The following SORCS1 variants were observed in gnomAD, a reference collection of about 807,000 sequenced individuals.
SORCS1 encodes the protein VPS10 domain-containing receptor SorCS1.
A neutral mutation model predicts 146.1 loss-of-function variants in SORCS1; 60 were observed. That is an observed-to-expected ratio of 0.41 (90% CI 0.33 to 0.51). The LOEUF is 0.51. Among genes scored for constraint, SORCS1 ranks in the 20% least tolerant of loss-of-function variants. SORCS1 has a pLI of 0.21. For synonymous variants in SORCS1, 637 were observed against 584.0 expected, an observed-to-expected ratio of 1.09 and a Z score of -1.31; for missense variants, 1,352 against 1,487.6, an observed-to-expected ratio of 0.91 and a Z score of 1.50.
In SORCS1 at chr10:106,614,486, T is replaced by C. The variant is rs1847221711; in HGVS notation, c.2921-2463A>G. ...GCTTGACTATTTTATGAGTCACTGG[T>C]CACCTATGTGAATATTACCTGATGG... On this transcript the variant is annotated intron_variant, in intron 21 of 25. Coordinates refer to ENST00000263054, the MANE Select transcript of SORCS1 (RefSeq NM_052918.5). Among the ~76,000 whole-genome samples the C allele has an allele frequency of 2.0e-5, 3 of 152,216 alleles. No homozygotes were observed. The South Asian group carries it at 6.2e-4, about 32-fold the overall frequency.
rs561769707 is a variant in SORCS1, at chr10:106,680,283, T to C, written c.1561-549A>G. On this transcript the variant is annotated intron_variant, in intron 10 of 25. Coordinates refer to ENST00000263054, the MANE Select transcript of SORCS1 (RefSeq NM_052918.5). ...GAAGCAGAAAAGCTGAGCAGCACAG[T>C]ATGTCATCAGAAAAGACTGAAGAGG... Among the ~76,000 whole-genome samples, 16 of 152,214 alleles carry C rather than the reference T, an allele frequency of 1.1e-4. No homozygotes were observed. In the South Asian group the frequency reaches 3.1e-3, roughly 30 times the overall value.
At chr10:106,850,582 G>C (rs1028114636) in intron 2 of SORCS1, among the ~76,000 whole-genome samples, 1 of 152,164 alleles carries the variant, frequency 6.6e-6, no homozygotes, top group Non-Finnish European at 1.5e-5. Context: ...GACCGGAGCT[G>C]TTCCTATTCG....
At chr10:106,690,034 C>G (rs751634602) in intron 9 of SORCS1, among the ~76,000 whole-genome samples, 3 of 152,190 alleles carry the variant, frequency 2.0e-5, no homozygotes, top group Non-Finnish European at 4.4e-5. Flanking sequence ...TCTGTGCAAT[C>G]AGTAGCAGCC....
chr10:106,968,357 CAA>C (rs1163813701), intron 1 of SORCS1, among the ~76,000 whole-genome samples: 3 of 152,194 alleles, frequency 2.0e-5, no homozygotes, highest in Non-Finnish European at 2.9e-5. Flanking sequence ...TCCATGCTCT[CAA>C]ATCAGTATCT....
At chr10:107,130,626 C>A (rs1322430454) in intron 1 of SORCS1, among the ~76,000 whole-genome samples, 1 of 152,100 alleles carries the variant, frequency 6.6e-6, no homozygotes, top group South Asian at 2.1e-4. Context: ...TAAAGTCTTT[C>A]GACTTAGAAT....
chr10:106,582,726 T>C (rs1844995636), intron 24 of SORCS1, among the ~76,000 whole-genome samples: 2 of 152,128 alleles, frequency 1.3e-5, no homozygotes, highest in South Asian at 2.1e-4. Context: ...AAGTAAAACA[T>C]GGATACCAGC....
At chr10:106,717,663 C>T (rs969445875) in intron 6 of SORCS1, among the ~76,000 whole-genome samples, 12 of 152,146 alleles carry the variant, frequency 7.9e-5, no homozygotes, top group Non-Finnish European at 5.9e-5. Flanking sequence ...AAACTGGGAA[C>T]ATGAGAGAGA....
chr10:106,856,770 A>G (rs1033415137), intron 2 of SORCS1, among the ~76,000 whole-genome samples: 32 of 152,116 alleles, frequency 2.1e-4, no homozygotes, highest in African/African-American at 3.4e-4. Context: ...CCTGCAAACC[A>G]TCAACTACTG....
intron 1 of SORCS1, among the ~76,000 whole-genome samples, chr10:107,132,653 C>T (rs1231122654): frequency 6.6e-6 from 1 of 152,066 alleles, no homozygotes; most frequent in Non-Finnish European, 1.5e-5. Context: ...AGAATTTGGC[C>T]TACTTTATGT....
chr10:106,582,316 A>G (rs975056195), intron 24 of SORCS1, among the ~76,000 whole-genome samples: 1 of 152,222 alleles, frequency 6.6e-6, no homozygotes, highest in African/African-American at 2.4e-5. Context: ...GAACTTCTGT[A>G]TCCCAGTTCT....
chr10:107,017,718 C>A (rs561971750), intron 1 of SORCS1, among the ~76,000 whole-genome samples: 1 of 152,196 alleles, frequency 6.6e-6, no homozygotes, highest in African/African-American at 2.4e-5. Flanking sequence ...TGCATTAGCA[C>A]GATCTCAGCT....
At chr10:106,845,018 T>G (rs1473648852) in intron 2 of SORCS1, among the ~76,000 whole-genome samples, 1 of 132,414 alleles carries the variant, frequency 7.6e-6, no homozygotes, top group Non-Finnish European at 1.7e-5. Context: ...TCTTTGCTAT[T>G]GTGAATAATG....
chr10:106,955,276 C>T (rs559303360), intron 2 of SORCS1, among the ~76,000 whole-genome samples: 10 of 152,250 alleles, frequency 6.6e-5, no homozygotes, highest in Non-Finnish European at 1.5e-4. Context: ...ACCGCATTCC[C>T]CTCGTCCAGA....
chr10:107,133,422 C>G (rs1967018959), intron 1 of SORCS1, among the ~76,000 whole-genome samples: 1 of 151,994 alleles, frequency 6.6e-6, no homozygotes, highest in Non-Finnish European at 1.5e-5. Flanking sequence ...AGAGAAAGTC[C>G]CTCCTGTGTT....
chr10:107,001,530 T>C (rs1013453224), intron 1 of SORCS1, among the ~76,000 whole-genome samples: 3 of 152,068 alleles, frequency 2.0e-5, no homozygotes, highest in Non-Finnish European at 2.9e-5. Context: ...GAGATAGAAA[T>C]AAACGATTTA....
intron 1 of SORCS1, among the ~76,000 whole-genome samples, chr10:107,048,030 C>G (rs1776871696): frequency 6.6e-6 from 1 of 152,064 alleles, no homozygotes; most frequent in Non-Finnish European, 1.5e-5. Flanking sequence ...CTGCAGTGAG[C>G]CGAGCTGCAA....
In SORCS1 at chr10:106,607,267, C is replaced by A. The variant is rs1357316515; in HGVS notation, c.3064G>T (p.Val1022Leu). The change falls in exon 23 of 26, where the codon GTG becomes TTG. Residue 1022 changes from valine to leucine, a missense_variant. Val to Leu is a conservative substitution (Grantham distance 32). Transcript: ENST00000263054. ...ATGVPGQHIL[V>L]AVLPGLPTTA... is the part of the protein sequence containing the mutation. ...GTGGGTAAGCCAGGGAGCACCGCCA[C>A]CAGGATGTGCTGGCCTGGAACCCCT... The A allele has an allele frequency of 1.2e-6, 2 of 1,613,946 alleles. No homozygotes were observed. The highest frequency in any genetic ancestry group is 4.5e-5 in the East Asian group (2 of 44,862).
intron 2 of SORCS1, among the ~76,000 whole-genome samples, chr10:106,913,900 C>T (rs1952285385): frequency 6.6e-6 from 1 of 152,124 alleles, no homozygotes; most frequent in African/African-American, 2.4e-5. Context: ...AAATAAGAGC[C>T]ACCTGCCACT....
intron 3 of SORCS1, among the ~76,000 whole-genome samples, chr10:106,817,591 C>T (rs763646279): frequency 9.9e-5 from 15 of 152,062 alleles, no homozygotes; most frequent in Non-Finnish European, 2.1e-4. Flanking sequence ...TTTACATAAA[C>T]GATCTATCAA....
Sources: allele counts gnomAD v4.1 joint callset (sites outside exome capture counted in the v4.1 genomes callset), GRCh38; gene constraint gnomAD v4.1.1; transcripts MANE v1.5; gene names NCBI Gene and HGNC (gene_info 2026-07-23, HGNC 2026-07-21).